IL17B: variants seen among roughly 807,000 people sequenced by gnomAD.
IL17B encodes interleukin-17B.
IL17B carries 14 observed loss-of-function variants against 14.7 expected under a neutral mutation model. The observed-to-expected ratio is 0.95, with a 90% CI of 0.63 to 1.49. The LOEUF is 1.49. Among genes scored for constraint, IL17B ranks in the 40% most tolerant of loss-of-function variants. The pLI is 0.00. For synonymous variants in IL17B, 105 were observed against 94.8 expected (o/e 1.11, Z -0.62); for missense variants, 233 against 252.8 (o/e 0.92, Z 0.53).
intron 1 of IL17B, among the ~76,000 whole-genome samples, chr5:149,392,905 TCTGTGTAC>T (rs1488795182): frequency 1.3e-5 from 2 of 152,192 alleles, no homozygotes; most frequent in African/African-American, 4.8e-5. Flanking sequence ...AGTCTCTGCA[TCTGTGTAC>T]GTGTGTGTGC....
chr5:149,379,287 G>C lies in IL17B; in HGVS notation c.-62C>G. 6.2e-7 allele frequency: 1 copy of C among 1,603,290 alleles called. No homozygotes were observed. The highest frequency in any genetic ancestry group is 8.5e-7 in the Non-Finnish European group (1 of 1,171,360). On this transcript the variant is annotated 5_prime_UTR_variant, in exon 1 of 3. Transcript: ENST00000261796. ...CGCCTGGAACCCCAGATGCCGCCGA[G>C]AGAATGGCAGCAACAGGATGGAGCG... is the stretch of plus-strand genomic sequence containing the variant.
At chr5:149,398,976 C>A (rs548286060) in intron 1 of IL17B, among the ~76,000 whole-genome samples, 3 of 152,324 alleles carry the variant, frequency 2.0e-5, no homozygotes, top group African/African-American at 7.2e-5. Flanking sequence ...GTGAAAGGCA[C>A]TTCTTACGTG....
chr5:149,396,623 C>T (rs760677837), intron 1 of IL17B, among the ~76,000 whole-genome samples: 4 of 152,114 alleles, frequency 2.6e-5, no homozygotes, highest in Middle Eastern at 6.8e-3. Flanking sequence ...CCAGGCGCAG[C>T]GGTGTACGCT....
chr5:149,385,598 AAAC>A (rs1182741668), intron 1 of IL17B, among the ~76,000 whole-genome samples: 1 of 152,198 alleles, frequency 6.6e-6, no homozygotes, highest in East Asian at 1.9e-4. Context: ...GACGTGGAAT[AAAC>A]AGCCTGTCTC....
chr5:149,397,985 C>A (rs2127622741), intron 1 of IL17B, among the ~76,000 whole-genome samples: 1 of 152,302 alleles, frequency 6.6e-6, no homozygotes, highest in South Asian at 2.1e-4. Flanking sequence ...TCTTCCCTAC[C>A]TATTCCACTC....
At chr5:149,397,255 T>C (rs1759111098) in intron 1 of IL17B, among the ~76,000 whole-genome samples, 1 of 152,168 alleles carries the variant, frequency 6.6e-6, no homozygotes, top group Non-Finnish European at 1.5e-5. Context: ...CTGCAACATC[T>C]ACCCCTTGGG....
chr5:149,374,638 T>C lies in IL17B; in HGVS notation c.312-38A>G, dbSNP rs570936664. 6.5e-7 allele frequency: 1 copy of C among 1,546,838 alleles called. No individual in the cohort carries two copies. The highest frequency in any genetic ancestry group is 1.1e-5 in the South Asian group (1 of 87,334). On this transcript the variant is annotated intron_variant, in intron 2 of 2. Coordinates refer to ENST00000261796, the MANE Select transcript of IL17B (RefSeq NM_014443.3). This position sits in a 1 kb window ranked among gnomAD's most constrained non-coding sequence, Gnocchi z 5.0. ...GAAGAAAGAGCAGAGCGGAAGGTGA[T>C]CAGGAAAGGGCCAGTCAGCACCCAT...
chr5:149,394,402 T>G (rs1290585268), intron 1 of IL17B, among the ~76,000 whole-genome samples: 1 of 152,182 alleles, frequency 6.6e-6, no homozygotes, highest in African/African-American at 2.4e-5. Flanking sequence ...CTTGAGAAAT[T>G]TTATCTTTCA....
intron 1 of IL17B, among the ~76,000 whole-genome samples, chr5:149,377,385 C>A (rs1163922975): frequency 3.3e-5 from 5 of 152,188 alleles, no homozygotes; most frequent in African/African-American, 1.2e-4. Flanking sequence ...GCTCTCATAA[C>A]CCACACACCT....
At chr5:149,380,763 G>A (rs570903230), upstream of IL17B, among the ~76,000 whole-genome samples, 10 of 152,354 alleles carry the variant, frequency 6.6e-5, no homozygotes, top group East Asian at 5.8e-4. Flanking sequence ...GGAATCGTCC[G>A]AGGGGAAGAA....
upstream of IL17B, among the ~76,000 whole-genome samples, chr5:149,382,194 G>A (rs983351744): frequency 1.2e-4 from 18 of 152,320 alleles, no homozygotes; most frequent in Non-Finnish European, 1.8e-4. Flanking sequence ...GGGGCCCTGC[G>A]CCTGTGCCTG....
At chr5:149,388,652 C>T (rs1033348700) in intron 1 of IL17B, among the ~76,000 whole-genome samples, 3 of 152,172 alleles carry the variant, frequency 2.0e-5, no homozygotes, top group African/African-American at 7.2e-5. Flanking sequence ...AACAAGCAAC[C>T]CCCAAATCTA....
chr5:149,389,973 G>T (rs1349715778), intron 1 of IL17B, among the ~76,000 whole-genome samples: 1 of 152,156 alleles, frequency 6.6e-6, no homozygotes, highest in Non-Finnish European at 1.5e-5. Context: ...GCAGGGAGGG[G>T]AGACGAGGAC....
upstream of IL17B, among the ~76,000 whole-genome samples, chr5:149,381,333 C>A (rs1287670723): frequency 6.6e-6 from 1 of 152,232 alleles, no homozygotes; most frequent in South Asian, 2.1e-4. Flanking sequence ...CAAAAATCTG[C>A]ATCTTAGCAC....
At chr5:149,400,755 G>A (rs1759188819) in intron 1 of IL17B, among the ~76,000 whole-genome samples, 1 of 152,224 alleles carries the variant, frequency 6.6e-6, no homozygotes, top group South Asian at 2.1e-4. Context: ...GACCAGGAAA[G>A]CTGCTGGTAT....
At chr5:149,383,179 T>C (rs1415250182), upstream of IL17B, among the ~76,000 whole-genome samples, 1 of 152,228 alleles carries the variant, frequency 6.6e-6, no homozygotes, top group African/African-American at 2.4e-5. Flanking sequence ...TAATGCACGT[T>C]AAAGCGCTTA....
intron 1 of IL17B, among the ~76,000 whole-genome samples, chr5:149,386,904 T>A (rs1758837044): frequency 6.6e-6 from 1 of 152,164 alleles, no homozygotes; most frequent in African/African-American, 2.4e-5. Flanking sequence ...TAGGGTTTCA[T>A]CATGTTGGCC....
chr5:149,385,447 T>C (rs1016836499), intron 1 of IL17B, among the ~76,000 whole-genome samples: 2 of 152,192 alleles, frequency 1.3e-5, no homozygotes, highest in East Asian at 1.9e-4. Context: ...CGCGGCCAGT[T>C]TTTGAGCTTT....
At chr5:149,404,127 C>T (rs6862301) in exon 1 of IL17B, 1 of 152,072 alleles carries the variant, frequency 6.6e-6, no homozygotes, top group African/African-American at 2.4e-5. Context: ...GTCTGTCGAC[C>T]TGTTTTCTCT....
Sources: gnomAD v4.1 joint callset for allele counts (sites outside exome capture counted in the v4.1 genomes callset) on GRCh38, gnomAD v4.1.1 for gene constraint, Gnocchi (gnomAD v3.1) non-coding constraint, MANE v1.5 for transcripts, NCBI Gene and HGNC (gene_info 2026-07-23, HGNC 2026-07-21) for gene names.